Variants in AKAP13 observed in about 807,000 individuals in gnomAD.
AKAP13 encodes the protein A-kinase anchor protein 13.
AKAP13 carries 80 observed loss-of-function variants against 264.5 expected under a neutral mutation model. The ratio of observed to expected loss-of-function variants is 0.30; its 90% confidence interval spans 0.25 to 0.36. The LOEUF (loss-of-function observed/expected upper bound fraction) is 0.36, where lower values mean the gene tolerates loss of function less well. Among genes scored for constraint, AKAP13 ranks in the 10% least tolerant of loss-of-function variants. The pLI, the probability that AKAP13 is intolerant of heterozygous loss-of-function variation, is 1.00. For synonymous variants in AKAP13, 1,380 were observed against 1,250.2 expected (o/e 1.10, Z -2.19); for missense variants, 3,712 against 3,435.2 (o/e 1.08, Z -2.01).
At chr15:85,584,386 A>T (rs2079250878) in intron 7 of AKAP13, among the ~76,000 whole-genome samples, 1 of 152,176 alleles carries the variant, frequency 6.6e-6, no homozygotes, top group African/African-American at 2.4e-5. Context: ...ATCTTTTCAA[A>T]GTTGATAGGT....
At chr15:85,613,549 C>T (rs1432569371) in intron 8 of AKAP13, among the ~76,000 whole-genome samples, 1 of 151,266 alleles carries the variant, frequency 6.6e-6, no homozygotes, top group African/African-American at 2.4e-5. Flanking sequence ...GGCGTGGTGG[C>T]GGGCGCCTGT....
chr15:85,689,462 A>T (rs28414834), intron 16 of AKAP13, among the ~76,000 whole-genome samples: 2,188 of 152,336 alleles, frequency 0.014, 58 homozygotes, highest in African/African-American at 0.05. Context: ...CACCTTTGAT[A>T]GTGTCCTAGT....
At chr15:85,665,968 C>T (rs899801562) in intron 13 of AKAP13, among the ~76,000 whole-genome samples, 3 of 152,178 alleles carry the variant, frequency 2.0e-5, no homozygotes, top group Non-Finnish European at 2.9e-5. Context: ...CTATTGTTAA[C>T]AATGCCATAA....
intron 3 of AKAP13, among the ~76,000 whole-genome samples, chr15:85,533,023 C>G (rs536972643): frequency 6.6e-6 from 1 of 152,232 alleles, no homozygotes; most frequent in Admixed American, 6.5e-5. Context: ...TTTTTTAGGC[C>G]TTGGATTGCT....
chr15:85,731,180 A>G (rs918428590), intron 30 of AKAP13, among the ~76,000 whole-genome samples: 4 of 150,920 alleles, frequency 2.7e-5, no homozygotes, highest in Non-Finnish European at 4.4e-5. Context: ...TAATTTTTGT[A>G]TTTTTCACAG....
At position 85,554,344 on chromosome 15, in the gene AKAP13, A is replaced by G. The variant is rs549022296; in HGVS notation, c.662+10389A>G. 4.6e-5 allele frequency among the ~76,000 whole-genome samples: 7 copies of G among 152,324 alleles called. No homozygotes were observed. The South Asian group carries it at 1.4e-3, about 32-fold the overall frequency. ...TAGATATCTCTTTATTTGGAGAGCT[A>G]GGAAGGACAATTCATTGGAAATATT... On this transcript the variant is annotated intron_variant, in intron 5 of 36. Coordinates refer to ENST00000394518, the MANE Select transcript of AKAP13 (RefSeq NM_007200.5).
In AKAP13 at chr15:85,745,288, T is replaced by G. The variant is rs1437518071; in HGVS notation, c.*611T>G. The G allele has an allele frequency of 6.6e-6, 1 of 152,136 alleles. No homozygotes were observed. The highest frequency in any genetic ancestry group is 1.5e-5 in the Non-Finnish European group (1 of 68,034). 9.4% of individuals were successfully genotyped at this position (152,136 alleles called of 1,614,324 possible). ...ACCCATCCCGGGCACATACCACCCG[T>G]GTTTTGCATGTATTTCTCATTTCAT... On this transcript the variant is annotated 3_prime_UTR_variant, in exon 37 of 37. Coordinates refer to ENST00000394518, the MANE Select transcript of AKAP13 (RefSeq NM_007200.5).
Position 85,741,309 on chromosome 15 carries a change from G to A in AKAP13, c.7872G>A (p.Glu2624=). ...EREALLAQRE[E]EVQQGQQDLE... ...AGGCCCTCCTGGCCCAGCGCGAGGA[G>A]GAGGTGCAGCAGGGGCAGCAGGACC... The change falls in exon 35 of 37, where the codon GAG becomes GAA. Residue 2624 remains glutamate (E), a synonymous_variant. Transcript: ENST00000394518. The A allele has an allele frequency of 6.2e-7, 1 of 1,612,858 alleles. No homozygotes were observed. Among genetic ancestry groups the A allele is most frequent in the Non-Finnish European group, 8.5e-7 (1 of 1,179,530 alleles).
At chr15:85,617,284 G>T (rs1008248294) in intron 8 of AKAP13, among the ~76,000 whole-genome samples, 3 of 152,230 alleles carry the variant, frequency 2.0e-5, no homozygotes, top group Admixed American at 2.0e-4. Flanking sequence ...TTGCTCTGTT[G>T]CCAGGCTCGA....
At position 85,743,505 on chromosome 15, in the gene AKAP13, A is replaced by G. The variant is rs774076230; in HGVS notation, c.8072A>G (p.His2691Arg). ...GAATATGTACAGGTTTCCCATCCAC[A>G]TACCAAGCTGATGAGGATCCCATCG... ...ERDLCQVSHP[H>R]TKLMRIPSFF... Residue 2691 changes from histidine (H) to arginine (R), a missense_variant, in exon 36 of 37, where the codon CAT (histidine) becomes CGT (arginine). His to Arg is a conservative substitution (Grantham distance 29, BLOSUM62 0). Around this residue, in one of 3 missense-constraint regions of AKAP13, gnomAD observed 611 missense variants for 539.3 expected, o/e 1.13. Transcript: ENST00000394518. The G allele has an allele frequency of 1.9e-6, 3 of 1,613,816 alleles. No individual in the cohort carries two copies. The highest frequency in any genetic ancestry group is 2.2e-5 in the South Asian group (2 of 91,070).
At chr15:85,722,376 A>G (rs1451393945) in intron 25 of AKAP13, 29 bp downstream of exon 25, 2 of 1,574,356 alleles carry the variant, frequency 1.3e-6, no homozygotes, top group Admixed American at 1.8e-5. Flanking sequence ...TCGGTCTTGT[A>G]TGGTCATGGA....
chr15:85,715,270 TG>T (rs1276848489), intron 19 of AKAP13, among the ~76,000 whole-genome samples: 1 of 152,198 alleles, frequency 6.6e-6, no homozygotes, highest in African/African-American at 2.4e-5. Context: ...CCTTATTTTT[TG>T]TAAGTGGCAT....
chr15:85,400,850 ATATATATGTATATATATATATATATTTT>A (rs1408071694), intron 1 of AKAP13, among the ~76,000 whole-genome samples: 5 of 123,768 alleles, frequency 4.0e-5, no homozygotes, highest in African/African-American at 1.7e-4. Context: ...AGCCATATAT[ATATATATGTATATATATATATATATTTT>A]TTTTTTTTAA....
At chr15:85,720,820 C>T (rs1217724651) in intron 23 of AKAP13, among the ~76,000 whole-genome samples, 2 of 152,208 alleles carry the variant, frequency 1.3e-5, no homozygotes, top group Non-Finnish European at 2.9e-5. Context: ...ATTTACTGAG[C>T]ATCTATTAAA....
intron 33 of AKAP13, among the ~76,000 whole-genome samples, chr15:85,736,381 T>G (rs1280560137): frequency 6.6e-6 from 1 of 151,984 alleles, no homozygotes; most frequent in Non-Finnish European, 1.5e-5. Context: ...TTTGATTCGT[T>G]TCTTTGATTC....
chr15:85,569,994 G>A (rs1258365721), intron 5 of AKAP13, among the ~76,000 whole-genome samples: 1 of 143,122 alleles, frequency 7.0e-6, no homozygotes, highest in Non-Finnish European at 1.5e-5. Context: ...GGAGAATGGC[G>A]TGAACCTGGG....
chr15:85,443,022 A>T (rs548304675), intron 1 of AKAP13, among the ~76,000 whole-genome samples: 1 of 152,158 alleles, frequency 6.6e-6, no homozygotes, highest in East Asian at 1.9e-4. Context: ...GCCCAGTGTC[A>T]CTCAGCTAGT....
Position 85,585,713 on chromosome 15 carries a change from G to T in AKAP13, c.4051G>T (p.Val1351Leu). The change falls in exon 8 of 37, where the codon GTG (valine) becomes TTG (leucine). Residue 1351 changes from valine (V) to leucine (L), a missense_variant. Physicochemically the swap from Val to Leu is conservative, Grantham distance 32 (BLOSUM62 1). Transcript: ENST00000394518. Reference protein sequence around the residue: ...GPEPAAEMPDVKAEDEVDFRA... With the variant: ...GPEPAAEMPDLKAEDEVDFRA... ...CCCTGCACTTTCAGAAATGCCAGAC[G>T]TGAAAGCTGAAGATGAAGTGGATTT... The T allele has an allele frequency of 6.2e-7, 1 of 1,614,130 alleles. No homozygotes were observed. Among genetic ancestry groups the T allele is most frequent in the East Asian group, 2.2e-5 (1 of 44,872 alleles).
chr15:85,494,041 A>G (rs1006401387), intron 2 of AKAP13, among the ~76,000 whole-genome samples: 30 of 152,200 alleles, frequency 2.0e-4, no homozygotes, highest in African/African-American at 2.9e-4. Flanking sequence ...GGAAAATCCA[A>G]TATGCAAAAG....
Sources: allele counts gnomAD v4.1 joint callset (sites outside exome capture counted in the v4.1 genomes callset), GRCh38; gene constraint gnomAD v4.1.1; regional missense constraint gnomAD v4.1.1; transcripts MANE v1.5; gene names NCBI Gene and HGNC (gene_info 2026-07-23, HGNC 2026-07-21).